Variants in DERA observed in about 807,000 individuals in gnomAD.
DERA encodes the protein 2-deoxy-D-ribose 5-phosphate aldolase.
In DERA, 15 loss-of-function variants were observed where a neutral mutation model predicts 41.1. That is an observed-to-expected ratio of 0.37 (90% CI 0.24 to 0.56). The LOEUF is 0.56. Among genes scored for constraint, DERA ranks in the 20% least tolerant of loss-of-function variants. The probability of loss-of-function intolerance (pLI) is 0.81; values close to 1 mark genes in which losing one functional copy is unlikely to be tolerated. For synonymous variants in DERA, 139 were observed against 137.4 expected (o/e 1.01, Z -0.08); for missense variants, 396 against 403.4 (o/e 0.98, Z 0.16).
chr12:16,032,503 T>A, intron 6 of DERA, 39 bp from the exon 7 acceptor site: 1 of 1,165,864 alleles, frequency 8.6e-7, no homozygotes, highest in Non-Finnish European at 1.2e-6. Flanking sequence ...AAAAAAAGAA[T>A]CTTTAATTAA....
At position 16,000,172 on chromosome 12, in the gene DERA, C is replaced by T. The variant is rs11834963; in HGVS notation, c.637+17736C>T. Among the ~76,000 whole-genome samples the T allele has an allele frequency of 0.065, 9,835 of 152,146 alleles. 1,015 individuals carry two copies. Among genetic ancestry groups the T allele is most frequent in the African/African-American group, 0.22 (9,044 of 41,472 alleles). On this transcript the variant is annotated intron_variant, in intron 6 of 8. Coordinates refer to ENST00000428559, the MANE Select transcript of DERA (RefSeq NM_015954.4). This position sits in a 1 kb window ranked among gnomAD's most constrained non-coding sequence, Gnocchi z 4.8. ...TGTCAGGATAGGGAATTTAAGAGGA[C>T]GAAGTCTTTTTCCCAGCCCAGGAAC...
intron 6 of DERA, among the ~76,000 whole-genome samples, chr12:16,029,294 G>A (rs1174456621): frequency 5.3e-5 from 8 of 151,822 alleles, no homozygotes; most frequent in Non-Finnish European, 1.5e-5. Flanking sequence ...GTAGTGGCGG[G>A]CGCCTGTAGT....
At chr12:15,987,544 A>G (rs1046200071) in intron 6 of DERA, among the ~76,000 whole-genome samples, 2 of 151,842 alleles carry the variant, frequency 1.3e-5, no homozygotes, top group African/African-American at 4.8e-5. Context: ...GCCTAAAACC[A>G]TATTTTTAAA....
At position 16,014,723 on chromosome 12, in the gene DERA, C is replaced by A. The variant is rs1015649957; in HGVS notation, c.638-17819C>A. ...AGAAGAGGGCAACCGTCCTCCAGAC[C>A]CCAGAATGGTAGATCCACCAACAGC... is the stretch of plus-strand genomic sequence containing the variant. On this transcript the variant is annotated intron_variant, in intron 6 of 8. Coordinates refer to ENST00000428559, the MANE Select transcript of DERA (RefSeq NM_015954.4). This position sits in a 1 kb window ranked among gnomAD's most constrained non-coding sequence, Gnocchi z 5.4. Among the ~76,000 whole-genome samples, 12 of 152,108 alleles carry A rather than the reference C, an allele frequency of 7.9e-5. No individual in the cohort carries two copies. The highest frequency in any genetic ancestry group is 2.2e-4 in the African/African-American group (9 of 41,412).
At chr12:15,950,725 C>T (rs1948491287) in intron 1 of DERA, among the ~76,000 whole-genome samples, 1 of 152,202 alleles carries the variant, frequency 6.6e-6, no homozygotes, top group Non-Finnish European at 1.5e-5. Flanking sequence ...GGCTCATGCC[C>T]ATCCTACATT....
rs1948618379 is a variant in DERA at position 15,965,793 on chromosome 12, C to T, written c.508+2846C>T. 6.6e-6 allele frequency among the ~76,000 whole-genome samples: 1 copy of T among 152,194 alleles called. No homozygotes were observed. Among genetic ancestry groups the T allele is most frequent in the Non-Finnish European group, 1.5e-5 (1 of 68,034 alleles). Reference sequence around the variant, plus strand: ...TAAAATCATCAGACAGGAGCTCCCTCCAGGTCCTTGCATCAGGGCTGCTTT... The same window carrying T: ...TAAAATCATCAGACAGGAGCTCCCTTCAGGTCCTTGCATCAGGGCTGCTTT... On this transcript the variant is annotated intron_variant, in intron 5 of 8. Coordinates refer to ENST00000428559, the MANE Select transcript of DERA (RefSeq NM_015954.4). This position sits in a 1 kb window ranked among gnomAD's most constrained non-coding sequence, Gnocchi z 4.1.
rs1216106528 is a variant in DERA, at chr12:16,004,661, T to C, written c.637+22225T>C. The stretch of plus-strand genomic sequence containing the variant: ...TGGGTGTTTATGCATGTATCCTTTG[T>C]ACGATGACAACAATGACAACAAATG... On this transcript the variant is annotated intron_variant, in intron 6 of 8. Transcript: ENST00000428559. This position sits in a 1 kb window ranked among gnomAD's most constrained non-coding sequence, Gnocchi z 4.2. Among the ~76,000 whole-genome samples the C allele has an allele frequency of 6.6e-6, 1 of 152,198 alleles. No homozygotes were observed. Among genetic ancestry groups the C allele is most frequent in the African/African-American group, 2.4e-5 (1 of 41,442 alleles).
intron 6 of DERA, among the ~76,000 whole-genome samples, chr12:16,025,925 A>G (rs568539044): frequency 6.6e-5 from 10 of 152,128 alleles, no homozygotes; most frequent in African/African-American, 2.2e-4. Context: ...AATGTTTGGA[A>G]ATTAAACAAC....
At chr12:16,022,170 C>T (rs1949020895) in intron 6 of DERA, among the ~76,000 whole-genome samples, 1 of 152,192 alleles carries the variant, frequency 6.6e-6, no homozygotes, top group Admixed American at 6.5e-5. Context: ...TCATGAATGT[C>T]TTAGCACCAT....
chr12:15,958,304 T>C lies in DERA; in HGVS notation c.246T>C (p.Asp82=), dbSNP rs575021680. ...CYKAKYPIRE[D]LLKALNMHDK... Reference sequence around the variant, plus strand: ...AAGCCAAATACCCAATCCGGGAAGATCTCTTAAAAGCTTTAAATATGCATG... The same window carrying C: ...AAGCCAAATACCCAATCCGGGAAGACCTCTTAAAAGCTTTAAATATGCATG... Residue 82 remains aspartate (D), a synonymous_variant, in exon 3 of 9, where the codon GAT becomes GAC. Coordinates refer to ENST00000428559, the MANE Select transcript of DERA (RefSeq NM_015954.4). 1.9e-6 allele frequency: 3 copies of C among 1,604,948 alleles called. No individual in the cohort carries two copies. The highest frequency in any genetic ancestry group is 2.7e-5 in the African/African-American group (2 of 74,894).
rs1948330228 is a variant in DERA, at chr12:15,931,816, T to C, written c.31+20402T>C. Among the ~76,000 whole-genome samples the C allele has an allele frequency of 6.6e-6, 1 of 152,186 alleles. No individual in the cohort carries two copies. Among genetic ancestry groups the C allele is most frequent in the African/African-American group, 2.4e-5 (1 of 41,446 alleles). On this transcript the variant is annotated intron_variant, in intron 1 of 8. Coordinates refer to ENST00000428559, the MANE Select transcript of DERA (RefSeq NM_015954.4). The surrounding 1 kb of genome is among the most constrained non-coding windows in gnomAD (Gnocchi z 4.6). ...TCTCTTGGGAATAGATTAATTCTCA[T>C]GAGAGTGGGTTGTTAAAAATAATCT...
chr12:15,958,099 TA>T (rs1948553972), intron 2 of DERA, 88 bp from the exon 3 acceptor site: 1 of 1,085,564 alleles, frequency 9.2e-7, no homozygotes, highest in Admixed American at 2.9e-5. Context: ...CATACTTGTC[TA>T]ATGATTCTCT....
intron 6 of DERA, among the ~76,000 whole-genome samples, chr12:16,029,331 G>C (rs1422370586): frequency 6.6e-6 from 1 of 152,108 alleles, no homozygotes; most frequent in Non-Finnish European, 1.5e-5. Context: ...GCTGAGGCAG[G>C]AGAATGGCGT....
intron 1 of DERA, among the ~76,000 whole-genome samples, chr12:15,949,734 G>A (rs1948482643): frequency 6.6e-6 from 1 of 152,172 alleles, no homozygotes. Flanking sequence ...AAGCCCCAGT[G>A]AGATGAACCC....
chr12:15,954,510 T>C lies in DERA; in HGVS notation c.32-2426T>C, dbSNP rs1479457623. On this transcript the variant is annotated intron_variant, in intron 1 of 8. Transcript: ENST00000428559. This position sits in a 1 kb window ranked among gnomAD's most constrained non-coding sequence, Gnocchi z 4.0. ...TCTTAAAGGATGAGCAGCAGTTCAC[T>C]GTTCGCAAAGCAGGGAGGGCATTCT... 1.3e-5 allele frequency among the ~76,000 whole-genome samples: 2 copies of C among 152,170 alleles called. No individual in the cohort carries two copies. Among genetic ancestry groups the C allele is most frequent in the East Asian group, 1.9e-4 (1 of 5,186 alleles).
Position 15,998,047 on chromosome 12 carries a change from A to G in DERA, c.637+15611A>G, listed in dbSNP as rs1760617405. Among the ~76,000 whole-genome samples the G allele has an allele frequency of 6.6e-6, 1 of 152,208 alleles. No homozygotes were observed. The highest frequency in any genetic ancestry group is 1.5e-5 in the Non-Finnish European group (1 of 68,038). On this transcript the variant is annotated intron_variant, in intron 6 of 8. Coordinates refer to ENST00000428559, the MANE Select transcript of DERA (RefSeq NM_015954.4). The surrounding 1 kb of genome is among the most constrained non-coding windows in gnomAD (Gnocchi z 4.8). ...TAAGAAATTTGCCCGAGGACAAATA[A>G]CTAAAGTCAAAACACAGAGTCTAGA...
rs1000727881 is a variant in DERA at position 15,983,300 on chromosome 12, G to T, written c.637+864G>T. 2.0e-5 allele frequency among the ~76,000 whole-genome samples: 3 copies of T among 151,946 alleles called. No individual in the cohort carries two copies. Among genetic ancestry groups the T allele is most frequent in the Non-Finnish European group, 4.4e-5 (3 of 68,000 alleles). On this transcript the variant is annotated intron_variant, in intron 6 of 8. Transcript: ENST00000428559. This position sits in a 1 kb window ranked among gnomAD's most constrained non-coding sequence, Gnocchi z 6.2. ...ATTCCTTGATTCTTATTTTAAAAAG[G>T]TCCTTCCTAAGACCCTGGCTGTGCC...
intron 1 of DERA, among the ~76,000 whole-genome samples, chr12:15,914,513 C>G (rs183180970): frequency 1.7e-4 from 26 of 152,100 alleles, no homozygotes; most frequent in Non-Finnish European, 3.5e-4. Flanking sequence ...TGGACAGATG[C>G]TGTGAAGCTT....
intron 6 of DERA, among the ~76,000 whole-genome samples, chr12:15,997,302 C>T (rs1948844767): frequency 6.9e-6 from 1 of 145,080 alleles, no homozygotes; most frequent in Non-Finnish European, 1.5e-5. Flanking sequence ...GTGAATATTT[C>T]TTTATTTGCT....
Sources: allele counts gnomAD v4.1 joint callset (sites outside exome capture counted in the v4.1 genomes callset), GRCh38; gene constraint gnomAD v4.1.1; non-coding constraint Gnocchi (gnomAD v3.1); transcripts MANE v1.5; gene names NCBI Gene and HGNC (gene_info 2026-07-23, HGNC 2026-07-21).